The following NOSTRIN variants were observed in gnomAD, a reference collection of about 807,000 sequenced individuals.
The protein encoded by NOSTRIN is nitric oxide synthase trafficking, also known as BM247 homolog.
NOSTRIN carries 63 observed loss-of-function variants against 59.0 expected under a neutral mutation model. The ratio of observed to expected loss-of-function variants is 1.07; its 90% CI spans 0.87 to 1.32. NOSTRIN has a LOEUF of 1.32. Ranked by LOEUF, NOSTRIN falls within the 40% of genes most tolerant of loss-of-function variation. The probability of loss-of-function intolerance (pLI) is 0.00; values close to 1 mark genes in which losing one functional copy is unlikely to be tolerated. For missense variants in NOSTRIN, 512 were observed against 473.1 expected (o/e 1.08, Z -0.76); for synonymous variants, 200 against 165.4 (o/e 1.21, Z -1.61).
chr2:168,850,801 T>G (rs1688717743), intron 8 of NOSTRIN: 1 of 766,460 alleles, frequency 1.3e-6, no homozygotes, highest in Non-Finnish European at 2.2e-6. Context: ...AAATGCTTCC[T>G]TTTCTTCTTT....
chr2:168,860,213 G>T (rs1455830206), intron 13 of NOSTRIN, among the ~76,000 whole-genome samples: 1 of 152,200 alleles, frequency 6.6e-6, no homozygotes, highest in African/African-American at 2.4e-5. Context: ...ATTTGTAAAA[G>T]TAATGCTATG....
At chr2:168,845,663 A>G (rs1688369939) in intron 8 of NOSTRIN, among the ~76,000 whole-genome samples, 1 of 152,180 alleles carries the variant, frequency 6.6e-6, no homozygotes, top group African/African-American at 2.4e-5. Flanking sequence ...TTGAAGCATC[A>G]TGGAAATTAT....
chr2:168,805,161 CTT>C (rs1247521626), intron 1 of NOSTRIN, among the ~76,000 whole-genome samples: 2 of 152,122 alleles, frequency 1.3e-5, no homozygotes, highest in African/African-American at 4.8e-5. Context: ...TTAAAAATCT[CTT>C]TTAGATCAAG....
chr2:168,819,921 A>G (rs1686634744), intron 2 of NOSTRIN, among the ~76,000 whole-genome samples: 1 of 151,950 alleles, frequency 6.6e-6, no homozygotes, highest in South Asian at 2.1e-4. Context: ...CTATCCCCCA[A>G]ATGCCTTGCA....
intron 11 of NOSTRIN, 80 bp downstream of exon 11, chr2:168,855,540 G>T: frequency 1.6e-6 from 1 of 629,898 alleles, no homozygotes; most frequent in Non-Finnish European, 2.6e-6. Flanking sequence ...GGATTGATCT[G>T]CTTTTGCTAT....
rs1001330538 is a variant in NOSTRIN at position 168,861,907 on chromosome 2, A to G, written c.1295-53A>G. ...TTAAATAACCAAAGAGCTTCAGCTC[A>G]TATTCATTTGCCTGCTAACACAGCA... is the stretch of plus-strand genomic sequence containing the variant. On this transcript the variant is annotated intron_variant, in intron 14 of 15. Coordinates refer to ENST00000317647, the MANE Select transcript of NOSTRIN (RefSeq NM_001039724.4). 18 of 1,505,438 alleles carry G rather than the reference A, an allele frequency of 1.2e-5. No individual in the cohort carries two copies. The African/African-American group carries it at 1.9e-4, about 16-fold the overall frequency. 93.3% of individuals were successfully genotyped at this position (1,505,438 alleles called of 1,614,324 possible).
chr2:168,834,507 G>GCGCGCGCACACACTCA (rs756381301), intron 7 of NOSTRIN, among the ~76,000 whole-genome samples, 182 bp downstream of exon 7: 1 of 125,342 alleles, frequency 8.0e-6, no homozygotes, highest in East Asian at 2.4e-4. Context: ...GCGCGCGCGC[G>GCGCGCGCACACACTCA]CACACACACA....
intron 3 of NOSTRIN, among the ~76,000 whole-genome samples, chr2:168,825,476 G>A (rs918916270): frequency 2.6e-5 from 4 of 152,198 alleles, no homozygotes; most frequent in African/African-American, 9.7e-5. Flanking sequence ...CTTTTGACAA[G>A]TAACCTGGCC....
intron 6 of NOSTRIN, among the ~76,000 whole-genome samples, chr2:168,832,810 C>G (rs1039322542): frequency 1.3e-5 from 2 of 152,066 alleles, no homozygotes; most frequent in African/African-American, 4.8e-5. Flanking sequence ...GAAATAGAGA[C>G]AGGGTCTTGC....
intron 5 of NOSTRIN, among the ~76,000 whole-genome samples, chr2:168,830,139 C>T (rs1225483990): frequency 6.6e-6 from 1 of 152,122 alleles, no homozygotes; most frequent in Non-Finnish European, 1.5e-5. Context: ...AATTACTAGT[C>T]TATATTTCGT....
At chr2:168,828,082 TG>T in intron 3 of NOSTRIN, 75 bp from the exon 4 acceptor site, 1 of 841,946 alleles carries the variant, frequency 1.2e-6, no homozygotes, top group Non-Finnish European at 2.1e-6. Context: ...GATGCGATGC[TG>T]TATTTCTAGC....
chr2:168,807,926 T>C (rs1288566723), intron 1 of NOSTRIN, among the ~76,000 whole-genome samples: 1 of 152,236 alleles, frequency 6.6e-6, no homozygotes, highest in African/African-American at 2.4e-5. Context: ...CCATAGACTG[T>C]GCTTTGGTCC....
chr2:168,814,403 G>A lies in NOSTRIN; in HGVS notation c.113+2751G>A, dbSNP rs543364193. Reference sequence around the variant, plus strand: ...TCCTCTAGATATACATTGGATAGAAGGCAGATTCCCACCAGCTATCTAGAA... The same window carrying A: ...TCCTCTAGATATACATTGGATAGAAAGCAGATTCCCACCAGCTATCTAGAA... On this transcript the variant is annotated intron_variant, in intron 2 of 15. Coordinates refer to ENST00000317647, the MANE Select transcript of NOSTRIN (RefSeq NM_001039724.4). Among the ~76,000 whole-genome samples the A allele has an allele frequency of 2.0e-5, 3 of 152,316 alleles. No individual in the cohort carries two copies. The East Asian group carries it at 5.8e-4, about 29-fold the overall frequency.
Position 168,860,873 on chromosome 2 carries a change from T to C in NOSTRIN, c.1258T>C (p.Ser420Pro). 1.2e-6 allele frequency: 2 copies of C among 1,614,072 alleles called. No homozygotes were observed. Among genetic ancestry groups the C allele is most frequent in the South Asian group, 2.2e-5 (2 of 91,074 alleles). The change falls in exon 14 of 16, where the codon TCT (serine) becomes CCT (proline). Residue 420 changes from serine (S) to proline (P), a missense_variant. Coordinates refer to ENST00000317647, the MANE Select transcript of NOSTRIN (RefSeq NM_001039724.4). ...AGAGAATATTGTGAGCAAGGCATCT[T>C]CTGGTGGGCAGAGCAATCCAGGTTC... ...RLENIVSKAS[S>P]GGQSNPGSST... is the part of the protein sequence containing the mutation.
upstream of NOSTRIN, among the ~76,000 whole-genome samples, chr2:168,800,910 T>TTAAA (rs147074957): frequency 5.0e-4 from 69 of 137,948 alleles, no homozygotes; most frequent in South Asian, 1.2e-3. Context: ...AAATTTCTTT[T>TTAAA]AAAAAAAAAA....
intron 1 of NOSTRIN, among the ~76,000 whole-genome samples, chr2:168,811,179 T>C (rs776354580): frequency 2.6e-5 from 4 of 152,096 alleles, no homozygotes; most frequent in Non-Finnish European, 5.9e-5. Context: ...AGAAATATTA[T>C]TTTGAAGTTT....
At chr2:168,860,724 G>A in intron 13 of NOSTRIN, 71 bp from the exon 14 acceptor site, 1 of 942,658 alleles carries the variant, frequency 1.1e-6, no homozygotes, top group Non-Finnish European at 1.7e-6. Context: ...AACAGCTACA[G>A]AAGAGTTAAT....
Position 168,860,613 on chromosome 2 carries a change from G to A in NOSTRIN, c.1180-182G>A, listed in dbSNP as rs138417157. Among the ~76,000 whole-genome samples the A allele has an allele frequency of 7.1e-3, 1,077 of 151,952 alleles. 8 individuals are homozygous for A. Among genetic ancestry groups the A allele is most frequent in the Non-Finnish European group, 0.011 (752 of 67,962 alleles). ...TTGAACCCGGGAGGTGGAGGTTGTA[G>A]TGGGCCAAGATCATGCCACTGCACT... On this transcript the variant is annotated intron_variant, in intron 13 of 15. Coordinates refer to ENST00000317647, the MANE Select transcript of NOSTRIN (RefSeq NM_001039724.4).
Position 168,865,095 on chromosome 2 carries a change from G to C in NOSTRIN, c.*125G>C. On this transcript the variant is annotated 3_prime_UTR_variant, in exon 16 of 16. Coordinates refer to ENST00000317647, the MANE Select transcript of NOSTRIN (RefSeq NM_001039724.4). The stretch of plus-strand genomic sequence containing the variant: ...GAAATGGATGGAGTTCTACCTGCAT[G>C]TCACAGCACTTTGCATTCATGATTA... 2 of 977,222 alleles carry C rather than the reference G, an allele frequency of 2.0e-6. No homozygotes were observed. Among genetic ancestry groups the C allele is most frequent in the Admixed American group, 2.6e-5 (1 of 37,790 alleles). The allele number at this position is 977,222 out of a possible 1,614,324, so 60.5% of individuals were successfully genotyped here. A position where few individuals can be genotyped will look rare whatever the true frequency, so the allele number is the denominator to read the frequency against.
Sources: gnomAD v4.1 joint callset for allele counts (sites outside exome capture counted in the v4.1 genomes callset) on GRCh38, gnomAD v4.1.1 for gene constraint, MANE v1.5 for transcripts, NCBI Gene and HGNC (gene_info 2026-07-23, HGNC 2026-07-21) for gene names.